The following MGA variants were observed in gnomAD, a reference collection of about 807,000 sequenced individuals.
MGA encodes MAX gene-associated protein.
MGA carries 40 observed loss-of-function variants against 261.1 expected under a neutral mutation model. The ratio of observed to expected loss-of-function variants is 0.15; its 90% CI spans 0.12 to 0.20. The LOEUF (loss-of-function observed/expected upper bound fraction) is 0.20, where lower values mean the gene tolerates loss of function less well. Among genes scored for constraint, MGA ranks in the 10% least tolerant of loss-of-function variants. MGA has a pLI of 1.00. For missense variants in MGA, 3,397 were observed against 3,630.5 expected (o/e 0.94, Z 1.65); for synonymous variants, 1,302 against 1,290.6 (o/e 1.01, Z -0.19).
At chr15:41,640,865 T>C (rs2056808177) in intron 1 of MGA, among the ~76,000 whole-genome samples, 1 of 152,178 alleles carries the variant, frequency 6.6e-6, no homozygotes, top group Non-Finnish European at 1.5e-5. Context: ...ACTATAAAAT[T>C]TACCCATTTA....
At chr15:41,753,937 T>G (rs1410435677) in intron 17 of MGA, among the ~76,000 whole-genome samples, 1 of 152,204 alleles carries the variant, frequency 6.6e-6, no homozygotes, top group Non-Finnish European at 1.5e-5. Context: ...TAATTTGTTT[T>G]GAGACAGTCT....
At chr15:41,724,587 C>T (rs2151645705) in intron 9 of MGA, among the ~76,000 whole-genome samples, 1 of 152,204 alleles carries the variant, frequency 6.6e-6, no homozygotes, top group African/African-American at 2.4e-5. Context: ...TAAGATGAGG[C>T]AGTGAGATGA....
upstream of MGA, among the ~76,000 whole-genome samples, chr15:41,656,317 TTTCTTTCTCTCTCTCCCTCTCCTCTC>T (rs1237415516): frequency 5.0e-4 from 60 of 120,556 alleles, no homozygotes; most frequent in Non-Finnish European, 5.5e-4. Context: ...AGGAATGGTG[TTTCTTTCTCTCTCTCCCTCTCCTCTC>T]TTCTCTCTCT....
At chr15:41,703,263 ATCATC>A (rs1250566103) in intron 5 of MGA, among the ~76,000 whole-genome samples, 1 of 151,848 alleles carries the variant, frequency 6.6e-6, no homozygotes, top group Non-Finnish European at 1.5e-5. Flanking sequence ...GTTGAGACTT[ATCATC>A]TCATCATATC....
chr15:41,765,208 A>C, intron 23 of MGA, 146 bp downstream of exon 23: 2 of 961,228 alleles, frequency 2.1e-6, no homozygotes, highest in South Asian at 3.2e-5. Context: ...CCCTATTTTT[A>C]GAACACATTT....
chr15:41,623,682 G>A (rs752709299), intron 1 of MGA, among the ~76,000 whole-genome samples: 51 of 149,874 alleles, frequency 3.4e-4, no homozygotes, highest in Non-Finnish European at 6.2e-4. Context: ...AGTGGAGATC[G>A]CGCCATTGCA....
At chr15:41,691,433 T>C (rs2059279077) in intron 2 of MGA, among the ~76,000 whole-genome samples, 1 of 152,200 alleles carries the variant, frequency 6.6e-6, no homozygotes, top group African/African-American at 2.4e-5. Flanking sequence ...AGTTTTTTAG[T>C]GGATTCTTTA....
intron 1 of MGA, among the ~76,000 whole-genome samples, chr15:41,637,926 G>A (rs181488851): frequency 2.0e-4 from 30 of 150,242 alleles, no homozygotes; most frequent in African/African-American, 6.8e-4. Context: ...TGTATTTTTA[G>A]TAGAGACGGG....
chr15:41,671,004 A>G (rs1352596989), intron 2 of MGA, among the ~76,000 whole-genome samples: 1 of 152,170 alleles, frequency 6.6e-6, no homozygotes, highest in Non-Finnish European at 1.5e-5. Flanking sequence ...CTTCAATTAT[A>G]GTAGGCCCAC....
At chr15:41,695,389 A>G (rs985021484) in intron 2 of MGA, among the ~76,000 whole-genome samples, 2 of 152,086 alleles carry the variant, frequency 1.3e-5, no homozygotes, top group African/African-American at 4.8e-5. Flanking sequence ...GGGTTTCACC[A>G]TGTTGGCCAG....
chr15:41,769,345 T>C lies in MGA; in HGVS notation c.*2065T>C, dbSNP rs922599451. The C allele has an allele frequency of 3.4e-5, 5 of 148,866 alleles. No homozygotes were observed. Among genetic ancestry groups the C allele is most frequent in the African/African-American group, 1.2e-4 (5 of 40,292 alleles). The allele number at this position is 148,866 out of a possible 1,614,324, so 9.2% of individuals were successfully genotyped here. A position where few individuals can be genotyped will look rare whatever the true frequency, so the allele number is the denominator to read the frequency against. ...AAGAAGAATATAGGTAAACAGGTAATGATTCTTGATTGGAGATACCATTTG... is the reference window on the plus strand; with the variant it reads ...AAGAAGAATATAGGTAAACAGGTAACGATTCTTGATTGGAGATACCATTTG... On this transcript the variant is annotated 3_prime_UTR_variant, in exon 24 of 24. Transcript: ENST00000219905.
intron 21 of MGA, 79 bp downstream of exon 21, chr15:41,761,929 T>C (rs2063481647): frequency 2.5e-6 from 3 of 1,179,126 alleles, no homozygotes; most frequent in Non-Finnish European, 3.6e-6. Flanking sequence ...ATCTTTCAGA[T>C]ACTTAATTGA....
chr15:41,641,444 C>T (rs570461781), intron 1 of MGA, among the ~76,000 whole-genome samples: 1 of 151,332 alleles, frequency 6.6e-6, no homozygotes, highest in East Asian at 2.0e-4. Flanking sequence ...TTTATATTTT[C>T]ACCAACAGAA....
chr15:41,728,159 G>C (rs980137036), intron 10 of MGA, among the ~76,000 whole-genome samples: 1 of 152,006 alleles, frequency 6.6e-6, no homozygotes. Context: ...GTGAAACCCC[G>C]CCTCTACTAA....
intron 17 of MGA, among the ~76,000 whole-genome samples, chr15:41,752,559 T>TG (rs1041573102): frequency 2.7e-5 from 4 of 147,810 alleles, no homozygotes; most frequent in African/African-American, 1.0e-4. Context: ...GTTTTTTTTT[T>TG]TTTTTTTTTT....
At chr15:41,746,260 G>T (rs891595642) in intron 15 of MGA, among the ~76,000 whole-genome samples, 2 of 152,116 alleles carry the variant, frequency 1.3e-5, no homozygotes, top group African/African-American at 4.8e-5. Flanking sequence ...GATTAATATG[G>T]CTGGGCACAG....
At chr15:41,746,176 T>A (rs1266826970) in intron 15 of MGA, among the ~76,000 whole-genome samples, 1 of 152,204 alleles carries the variant, frequency 6.6e-6, no homozygotes, top group African/African-American at 2.4e-5. Context: ...TGAATCACTC[T>A]CTAAAAGTTA....
intron 1 of MGA, among the ~76,000 whole-genome samples, chr15:41,624,997 G>T (rs2056411264): frequency 6.6e-6 from 1 of 151,988 alleles, no homozygotes; most frequent in Admixed American, 6.6e-5. Flanking sequence ...TTCAGAATTA[G>T]CTTGGTGTGG....
chr15:41,634,784 T>A (rs1206897976), intron 1 of MGA, among the ~76,000 whole-genome samples: 1 of 152,130 alleles, frequency 6.6e-6, no homozygotes, highest in Non-Finnish European at 1.5e-5. Context: ...TTGAGTATGA[T>A]AGACCATGAA....
Sources: allele counts gnomAD v4.1 joint callset (sites outside exome capture counted in the v4.1 genomes callset), GRCh38; gene constraint gnomAD v4.1.1; transcripts MANE v1.5; gene names NCBI Gene and HGNC (gene_info 2026-07-23, HGNC 2026-07-21).